YWHAE: variants seen among roughly 807,000 people sequenced by gnomAD.
YWHAE encodes tyrosine 3-monooxygenase/tryptophan 5-monooxygenase activation protein epsilon.
Under a neutral mutation model 30.1 loss-of-function variants are expected in YWHAE, and 4 were observed. The observed-to-expected ratio is 0.13, with a 90% confidence interval of 0.07 to 0.30. The LOEUF (loss-of-function observed/expected upper bound fraction) is 0.30, where lower values mean the gene tolerates loss of function less well. Among genes scored for constraint, YWHAE ranks in the 10% least tolerant of loss-of-function variants. The pLI is 1.00. For missense variants in YWHAE, 121 were observed against 315.9 expected (o/e 0.38, Z 4.68); for synonymous variants, 118 against 111.8 (o/e 1.06, Z -0.35).
intron 5 of YWHAE, among the ~76,000 whole-genome samples, chr17:1,351,416 T>C (rs938653808): frequency 6.6e-6 from 1 of 151,806 alleles, no homozygotes; most frequent in East Asian, 2.0e-4. Context: ...GAAAAAACTT[T>C]CAAGTCAGGT....
intron 1 of YWHAE, among the ~76,000 whole-genome samples, chr17:1,379,993 C>G (rs1290168509): frequency 6.6e-6 from 1 of 152,078 alleles, no homozygotes; most frequent in Non-Finnish European, 1.5e-5. Context: ...ACCCACATAC[C>G]ACGTGCACTT....
At chr17:1,376,380 G>A (rs1393577332) in intron 1 of YWHAE, among the ~76,000 whole-genome samples, 2 of 139,248 alleles carry the variant, frequency 1.4e-5, no homozygotes, top group South Asian at 2.4e-4. Context: ...CAGACAGAAA[G>A]AAAGAAAAAG....
At chr17:1,368,221 C>CA (rs992080175) in intron 1 of YWHAE, among the ~76,000 whole-genome samples, 1 of 151,834 alleles carries the variant, frequency 6.6e-6, no homozygotes. Flanking sequence ...ACTAAAAATA[C>CA]AAAAAAATTT....
chr17:1,366,412 C>T (rs1310316335), intron 1 of YWHAE, among the ~76,000 whole-genome samples: 1 of 151,472 alleles, frequency 6.6e-6, no homozygotes, highest in Non-Finnish European at 1.5e-5. Flanking sequence ...GTGGTGCGCG[C>T]CTGTAATTAC....
At chr17:1,366,124 G>T (rs1376232325) in intron 1 of YWHAE, among the ~76,000 whole-genome samples, 2 of 151,188 alleles carry the variant, frequency 1.3e-5, no homozygotes, top group Non-Finnish European at 2.9e-5. Flanking sequence ...ACTGAGACAG[G>T]AGAATCGCTT....
chr17:1,391,808 A>C (rs1044617912), intron 1 of YWHAE, among the ~76,000 whole-genome samples: 22 of 151,046 alleles, frequency 1.5e-4, no homozygotes, highest in Non-Finnish European at 1.9e-4. Context: ...CGTCTCCACA[A>C]AAAAAAAGTT....
intron 4 of YWHAE, among the ~76,000 whole-genome samples, chr17:1,355,107 A>AAG (rs2072711575): frequency 3.1e-5 from 1 of 32,288 alleles, no homozygotes; most frequent in Non-Finnish European, 5.3e-5. Flanking sequence ...TACCACCCCC[A>AAG]AGATTTTTTA....
At chr17:1,370,919 G>A (rs1024865628) in intron 1 of YWHAE, among the ~76,000 whole-genome samples, 1 of 151,910 alleles carries the variant, frequency 6.6e-6, no homozygotes, top group African/African-American at 2.4e-5. Context: ...AGAATGGTGT[G>A]AACCCGGGAG....
chr17:1,360,957 T>C (rs1290445875), intron 4 of YWHAE, 135 bp downstream of exon 4: 3 of 735,388 alleles, frequency 4.1e-6, no homozygotes, highest in African/African-American at 1.8e-5. Flanking sequence ...CTATCCAAAG[T>C]AGTTTCAGTA....
At chr17:1,349,808 G>A (rs545197757) in intron 5 of YWHAE, among the ~76,000 whole-genome samples, 9 of 152,006 alleles carry the variant, frequency 5.9e-5, no homozygotes, top group African/African-American at 1.9e-4. Flanking sequence ...TAGAGACGGG[G>A]TTTCACTGTG....
intron 1 of YWHAE, among the ~76,000 whole-genome samples, chr17:1,369,418 C>T (rs764796331): frequency 4.6e-5 from 7 of 152,228 alleles, no homozygotes; most frequent in Admixed American, 3.3e-4. Flanking sequence ...TGCTTGAACC[C>T]GGGAGGCGGA....
intron 4 of YWHAE, among the ~76,000 whole-genome samples, chr17:1,356,344 G>A (rs1269788715): frequency 6.6e-6 from 1 of 152,150 alleles, no homozygotes; most frequent in African/African-American, 2.4e-5. Flanking sequence ...ACTCCAGCCT[G>A]GGCAAGAGAG....
intron 1 of YWHAE, among the ~76,000 whole-genome samples, chr17:1,371,328 A>G (rs1205055018): frequency 6.6e-6 from 1 of 151,816 alleles, no homozygotes; most frequent in Non-Finnish European, 1.5e-5. Flanking sequence ...CATGTGACCC[A>G]CCCATCTCGG....
intron 1 of YWHAE, chr17:1,398,903 G>A (rs1283111737): frequency 6.6e-6 from 1 of 151,900 alleles, no homozygotes; most frequent in Non-Finnish European, 1.5e-5. Flanking sequence ...TATTTAAAAC[G>A]GAAAAAAAGA....
chr17:1,361,289 G>T lies in YWHAE; in HGVS notation c.381C>A (p.Asp127Glu). ...SKVFYYKMKGDYHRYLAEFAT... is the reference protein window; with the variant it reads ...SKVFYYKMKGEYHRYLAEFAT... ...CAAATTCTGCCAGATACCTGTGGTA[G>T]TCCCCTTTCCTAAAACAAAACCAAA... Residue 127 changes from aspartate to glutamate, a missense_variant, in exon 4 of 6, where the codon GAC becomes GAA. Coordinates refer to ENST00000264335, the MANE Select transcript of YWHAE (RefSeq NM_006761.5). The T allele has an allele frequency of 6.3e-7, 1 of 1,594,526 alleles. No homozygotes were observed. The highest frequency in any genetic ancestry group is 1.8e-5 in the Admixed American group (1 of 56,594).
intron 1 of YWHAE, among the ~76,000 whole-genome samples, chr17:1,374,652 G>A (rs920787715): frequency 6.6e-6 from 1 of 152,064 alleles, no homozygotes; most frequent in Non-Finnish European, 1.5e-5. Flanking sequence ...TCTCTTTGTG[G>A]TTTTGATTTG....
chr17:1,381,428 G>C (rs2073204722), intron 1 of YWHAE, among the ~76,000 whole-genome samples: 1 of 152,134 alleles, frequency 6.6e-6, no homozygotes, highest in Non-Finnish European at 1.5e-5. Context: ...AGCATCCCTT[G>C]AACCCGGGAG....
At position 1,345,399 on chromosome 17, in the gene YWHAE, T is replaced by C. The variant is rs746484615; in HGVS notation, c.*48A>G. The C allele has an allele frequency of 1.3e-6, 2 of 1,594,130 alleles. No homozygotes were observed. The highest frequency in any genetic ancestry group is 2.7e-5 in the African/African-American group (2 of 74,224). On this transcript the variant is annotated 3_prime_UTR_variant, in exon 6 of 6. Coordinates refer to ENST00000264335, the MANE Select transcript of YWHAE (RefSeq NM_006761.5). ...AATGGGGAGTTTCCAAAGGGTGGGA[T>C]GGGGAGGAGGGGGTGGTCAGAGATG...
intron 1 of YWHAE, among the ~76,000 whole-genome samples, chr17:1,384,633 T>C (rs1257757534): frequency 6.6e-6 from 1 of 152,052 alleles, no homozygotes; most frequent in African/African-American, 2.4e-5. Flanking sequence ...TTTGAGGGTT[T>C]CACCAGGCTG....
Sources: gnomAD v4.1 joint callset for allele counts (sites outside exome capture counted in the v4.1 genomes callset) on GRCh38, gnomAD v4.1.1 for gene constraint, MANE v1.5 for transcripts, NCBI Gene and HGNC (gene_info 2026-07-23, HGNC 2026-07-21) for gene names.